DHX36: variants seen among roughly 807,000 people sequenced by gnomAD.
DHX36 encodes ATP-dependent DNA/RNA helicase DHX36.
A neutral mutation model predicts 139.0 loss-of-function variants in DHX36; 50 were observed. The ratio of observed to expected loss-of-function variants is 0.36; its 90% confidence interval spans 0.29 to 0.46. The LOEUF (loss-of-function observed/expected upper bound fraction) is 0.46, where lower values mean the gene tolerates loss of function less well. Ranked by LOEUF, DHX36 falls within the 20% of genes least tolerant of loss-of-function variation. The probability of loss-of-function intolerance (pLI) is 1.00; values close to 1 mark genes in which losing one functional copy is unlikely to be tolerated. For missense variants in DHX36, 1,024 were observed against 1,211.3 expected (o/e 0.85, Z 2.29); for synonymous variants, 425 against 401.9 (o/e 1.06, Z -0.69).
intron 9 of DHX36, among the ~76,000 whole-genome samples, chr3:154,301,406 CTATTTT>C (rs1375913008): frequency 2.0e-5 from 3 of 152,234 alleles, no homozygotes; most frequent in African/African-American, 7.2e-5. Context: ...CTTTTACCTT[CTATTTT>C]AAGTTTGCTT....
intron 5 of DHX36, among the ~76,000 whole-genome samples, chr3:154,308,972 G>A (rs1712622750): frequency 6.6e-6 from 1 of 152,064 alleles, no homozygotes; most frequent in Non-Finnish European, 1.5e-5. Context: ...CAGATCGCTT[G>A]AGCCCAGTAG....
rs371358872 is a variant in DHX36, at chr3:154,301,230, G to C, written c.1218-103C>G. 24 of 1,177,610 alleles carry C rather than the reference G, an allele frequency of 2.0e-5. No individual in the cohort carries two copies. In the East Asian group the frequency reaches 5.7e-4, roughly 28 times the overall value. 72.9% of individuals were successfully genotyped at this position (1,177,610 alleles called of 1,614,324 possible). A position where few individuals can be genotyped will look rare whatever the true frequency, so the allele number is the denominator to read the frequency against. On this transcript the variant is annotated intron_variant, in intron 9 of 24. Coordinates refer to ENST00000496811, the MANE Select transcript of DHX36 (RefSeq NM_020865.3). ...TAGGATTTTCAAAAAGGATTCCAAA[G>C]AACATTTTCATTATGCTTTCAAGTG...
intron 22 of DHX36, 103 bp from the exon 23 acceptor site, chr3:154,277,821 A>C: frequency 9.1e-7 from 1 of 1,104,822 alleles, no homozygotes; most frequent in Non-Finnish European, 1.2e-6. Flanking sequence ...GGTAAAAACC[A>C]AACAAATCCC....
intron 15 of DHX36, among the ~76,000 whole-genome samples, chr3:154,292,013 A>G (rs1269008324): frequency 1.3e-5 from 2 of 152,344 alleles, no homozygotes; most frequent in East Asian, 3.9e-4. Flanking sequence ...CAGTACTGCT[A>G]TAAAATTCAG....
At chr3:154,282,144 T>G (rs1279970927) in intron 20 of DHX36, among the ~76,000 whole-genome samples, 2 of 152,168 alleles carry the variant, frequency 1.3e-5, no homozygotes, top group African/African-American at 4.8e-5. Context: ...TTTCAAAACG[T>G]GTTCTTACAT....
intron 5 of DHX36, among the ~76,000 whole-genome samples, chr3:154,308,035 T>C (rs1712575663): frequency 6.6e-6 from 1 of 152,084 alleles, no homozygotes; most frequent in South Asian, 2.1e-4. Flanking sequence ...TATGTGGACA[T>C]AGAGTGTGGA....
At chr3:154,323,394 G>C (rs1713273545) in intron 1 of DHX36, among the ~76,000 whole-genome samples, 3 of 151,402 alleles carry the variant, frequency 2.0e-5, no homozygotes, top group Non-Finnish European at 4.4e-5. Context: ...CATTTTATAA[G>C]GTGCTTTTAA....
At chr3:154,306,832 G>A (rs920424566) in intron 5 of DHX36, among the ~76,000 whole-genome samples, 1 of 151,572 alleles carries the variant, frequency 6.6e-6, no homozygotes, top group African/African-American at 2.4e-5. Flanking sequence ...GTGATAATAA[G>A]GTATTAGAAA....
chr3:154,277,583 T>A lies in DHX36; in HGVS notation c.2688+15A>T, dbSNP rs1171912276. On this transcript the variant is annotated intron_variant, in intron 23 of 24. Transcript: ENST00000496811. ...CTGATAATCAGATCCTTAATTATTTTAAATGTTCACTTACACTGCTTGTTC... is the reference window on the plus strand; with the variant it reads ...CTGATAATCAGATCCTTAATTATTTAAAATGTTCACTTACACTGCTTGTTC... 6.3e-7 allele frequency: 1 copy of A among 1,588,098 alleles called. No individual in the cohort carries two copies. The highest frequency in any genetic ancestry group is 1.7e-5 in the Admixed American group (1 of 57,290).
intron 5 of DHX36, among the ~76,000 whole-genome samples, chr3:154,306,873 A>G (rs1465321635): frequency 2.0e-5 from 3 of 152,288 alleles, no homozygotes; most frequent in Non-Finnish European, 4.4e-5. Flanking sequence ...AAGAAATAAT[A>G]CTTTACAAGT....
intron 3 of DHX36, among the ~76,000 whole-genome samples, chr3:154,313,937 TTAAA>T (rs781157981): frequency 7.9e-5 from 12 of 152,142 alleles, no homozygotes; most frequent in Non-Finnish European, 1.3e-4. Context: ...GTTGAGAAGC[TTAAA>T]TAATATAGTA....
chr3:154,275,988 A>C lies in DHX36; in HGVS notation c.*183T>G. 1 of 375,294 alleles carries C rather than the reference A, an allele frequency of 2.7e-6. No homozygotes were observed. The highest frequency in any genetic ancestry group is 4.6e-6 in the Non-Finnish European group (1 of 215,146). The allele number at this position is 375,294 out of a possible 1,614,324, so 23.2% of individuals were successfully genotyped here. ...CATATTGCTTTTATGGTATATATAT[A>C]TATATATATATATCTCTACATATAA... On this transcript the variant is annotated 3_prime_UTR_variant, in exon 25 of 25. Transcript: ENST00000496811.
In DHX36 at chr3:154,316,109, T is replaced by A. The variant is rs1712969434; in HGVS notation, c.298A>T (p.Asn100Tyr). Residue 100 changes from asparagine to tyrosine, a missense_variant, in exon 2 of 25, where the codon AAT becomes TAT. Around this residue, in one of 4 missense-constraint regions of DHX36, gnomAD observed 293 missense variants for 274.4 expected, o/e 1.07. Coordinates refer to ENST00000496811, the MANE Select transcript of DHX36 (RefSeq NM_020865.3). ...TTATCATTCTTCGCTTGAACAGAAT[T>A]CAGTAACTGTACAATTTGTTCTTCT... is the stretch of plus-strand genomic sequence containing the variant. Reference protein sequence around the residue: ...RREEQIVQLLNSVQAKNDKES... With the variant: ...RREEQIVQLLYSVQAKNDKES... The A allele has an allele frequency of 1.2e-6, 2 of 1,613,256 alleles. No individual in the cohort carries two copies. Among genetic ancestry groups the A allele is most frequent in the African/African-American group, 2.7e-5 (2 of 74,874 alleles).
Position 154,295,271 on chromosome 3 carries a change from C to A in DHX36, c.1605+13G>T, listed in dbSNP as rs576403458. ...TTTGAAATACATTTAACAAATGTAT[C>A]CATTTAACATACCTGTGTCTGGTTA... On this transcript the variant is annotated intron_variant, in intron 13 of 24. Coordinates refer to ENST00000496811, the MANE Select transcript of DHX36 (RefSeq NM_020865.3). 3.3e-6 allele frequency: 5 copies of A among 1,498,054 alleles called. No homozygotes were observed. Among genetic ancestry groups the A allele is most frequent in the Non-Finnish European group, 4.5e-6 (5 of 1,099,838 alleles). The allele number at this position is 1,498,054 out of a possible 1,614,324, so 92.8% of individuals were successfully genotyped here. A position where few individuals can be genotyped will look rare whatever the true frequency, so the allele number is the denominator to read the frequency against.
At chr3:154,293,662 G>T in intron 14 of DHX36, 86 bp downstream of exon 14, 1 of 966,720 alleles carries the variant, frequency 1.0e-6, no homozygotes, top group Non-Finnish European at 1.6e-6. Flanking sequence ...GTATATGGTA[G>T]AGAAAAAAGA....
intron 12 of DHX36, among the ~76,000 whole-genome samples, chr3:154,296,979 T>C (rs971189144): frequency 6.6e-6 from 1 of 152,190 alleles, no homozygotes; most frequent in Admixed American, 6.5e-5. Flanking sequence ...GATATAACTT[T>C]CGAGTTACAG....
intron 17 of DHX36, among the ~76,000 whole-genome samples, chr3:154,285,774 T>A (rs1385657252): frequency 6.6e-6 from 1 of 151,936 alleles, no homozygotes; most frequent in East Asian, 1.9e-4. Context: ...AGACACAGAT[T>A]TTTACTAAAC....
chr3:154,311,169 T>C (rs1165413043), intron 4 of DHX36, among the ~76,000 whole-genome samples: 1 of 151,658 alleles, frequency 6.6e-6, no homozygotes, highest in East Asian at 1.9e-4. Context: ...TAAAATAAAA[T>C]AAAATAAGGT....
At chr3:154,320,999 C>T (rs917890149) in intron 1 of DHX36, among the ~76,000 whole-genome samples, 7 of 152,084 alleles carry the variant, frequency 4.6e-5, no homozygotes, top group Non-Finnish European at 1.0e-4. Context: ...CAAGGCCCCG[C>T]GTATTTTTCT....
Sources: gnomAD v4.1 joint callset for allele counts (sites outside exome capture counted in the v4.1 genomes callset) on GRCh38, gnomAD v4.1.1 for gene constraint, gnomAD v4.1.1 regional missense constraint, MANE v1.5 for transcripts, NCBI Gene and HGNC (gene_info 2026-07-23, HGNC 2026-07-21) for gene names.